MGAT3: variants seen among roughly 807,000 people sequenced by gnomAD.
MGAT3 encodes the protein beta-1,4-mannosyl-glycoprotein 4-beta-N-acetylglucosaminyltransferase.
MGAT3 carries 9 observed loss-of-function variants against 29.8 expected under a neutral mutation model. The observed-to-expected ratio is 0.30, with a 90% CI of 0.18 to 0.53. The LOEUF is 0.53. Among genes scored for constraint, MGAT3 ranks in the 20% least tolerant of loss-of-function variants. MGAT3 has a pLI of 0.96. For synonymous variants in MGAT3, 397 were observed against 348.9 expected (o/e 1.14, Z -1.54); for missense variants, 557 against 769.5 (o/e 0.72, Z 3.27).
intron 1 of MGAT3, among the ~76,000 whole-genome samples, chr22:39,478,117 G>A (rs1929020821): frequency 6.6e-6 from 1 of 152,246 alleles, no homozygotes; most frequent in Admixed American, 6.5e-5. Context: ...GACCAGGCCG[G>A]GTGGAAGGTG....
rs1394262623 is a variant in MGAT3 at position 39,491,936 on chromosome 22, CA to C, written c.*2988del. 6.0e-6 allele frequency: 1 copy of C among 166,946 alleles called. No individual in the cohort carries two copies. The highest frequency in any genetic ancestry group is 1.5e-5 in the Non-Finnish European group (1 of 68,094). The allele number at this position is 166,946 out of a possible 1,614,324, so 10.3% of individuals were successfully genotyped here. ...TCCACCCATGGGTCACGTCGGTTCC[CA>C]GGGGCAGCATGGGAGATCTTTGGGG... On this transcript the variant is annotated 3_prime_UTR_variant, in exon 2 of 2. Transcript: ENST00000341184. The surrounding 1 kb of genome is among the most constrained non-coding windows in gnomAD (Gnocchi z 5.5).
At chr22:39,483,234 C>T (rs1392026258) in intron 1 of MGAT3, among the ~76,000 whole-genome samples, 11 of 152,182 alleles carry the variant, frequency 7.2e-5, no homozygotes, top group Admixed American at 6.5e-4. Context: ...GTGGCCCACA[C>T]CTGTAATCCC....
In MGAT3 at chr22:39,488,107, C is replaced by T. The variant is rs771711700; in HGVS notation, c.760C>T (p.Arg254Trp). The change falls in exon 2 of 2, where the codon CGG (arginine) becomes TGG (tryptophan). Residue 254 changes from arginine (R) to tryptophan (W), a missense_variant. Transcript: ENST00000341184. ...AYGEPRPLKFREMLTNGTFEY... is the reference protein window; with the variant it reads ...AYGEPRPLKFWEMLTNGTFEY... ...TGGGGAGCCGCGGCCGCTCAAGTTCCGGGAGATGCTGACCAATGGCACCTT... is the reference window on the plus strand; with the variant it reads ...TGGGGAGCCGCGGCCGCTCAAGTTCTGGGAGATGCTGACCAATGGCACCTT... 4.3e-6 allele frequency: 7 copies of T among 1,612,732 alleles called. No individual in the cohort carries two copies. Among genetic ancestry groups the T allele is most frequent in the Non-Finnish European group, 5.1e-6 (6 of 1,179,612 alleles).
At chr22:39,481,978 G>C (rs995859892) in intron 1 of MGAT3, among the ~76,000 whole-genome samples, 1 of 152,052 alleles carries the variant, frequency 6.6e-6, no homozygotes, top group Non-Finnish European at 1.5e-5. Flanking sequence ...TGAGATAAGA[G>C]TCTCACTCCC....
Position 39,470,720 on chromosome 22 carries a change from C to T in MGAT3, c.-2+13163C>T, listed in dbSNP as rs947244292. The stretch of plus-strand genomic sequence containing the variant: ...GCCGGGCATGTGGTGAGGCCGCACC[C>T]AGCTCAGAGGACTGGCCTGTGTCAA... On this transcript the variant is annotated intron_variant, in intron 1 of 1. Transcript: ENST00000341184. 2.0e-5 allele frequency among the ~76,000 whole-genome samples: 3 copies of T among 152,150 alleles called. No homozygotes were observed. The East Asian group carries it at 5.8e-4, about 30-fold the overall frequency.
intron 1 of MGAT3, among the ~76,000 whole-genome samples, chr22:39,471,483 G>T (rs962714690): frequency 6.6e-6 from 1 of 152,014 alleles, no homozygotes; most frequent in African/African-American, 2.4e-5. Context: ...ATAATTACAG[G>T]CTTGAGCAGC....
chr22:39,464,888 C>T (rs1266618750), intron 1 of MGAT3, among the ~76,000 whole-genome samples: 1 of 151,738 alleles, frequency 6.6e-6, no homozygotes, highest in Non-Finnish European at 1.5e-5. Flanking sequence ...GTAGCTGGGA[C>T]TACAGGCGCC....
In MGAT3 at chr22:39,479,073, C is replaced by T. The variant is rs991618378; in HGVS notation, c.-1-8274C>T. Reference sequence around the variant, plus strand: ...CAACAGACCCAGGACCGGCCAGAGGCGGTGGCCCACGCTTGCAATCCCAAC... The same window carrying T: ...CAACAGACCCAGGACCGGCCAGAGGTGGTGGCCCACGCTTGCAATCCCAAC... On this transcript the variant is annotated intron_variant, in intron 1 of 1. Coordinates refer to ENST00000341184, the MANE Select transcript of MGAT3 (RefSeq NM_002409.5). Among the ~76,000 whole-genome samples, 5 of 152,224 alleles carry T rather than the reference C, an allele frequency of 3.3e-5. No individual in the cohort carries two copies. The South Asian group carries it at 8.3e-4, about 25-fold the overall frequency.
chr22:39,461,634 G>T (rs1928499849), intron 1 of MGAT3, among the ~76,000 whole-genome samples: 1 of 151,972 alleles, frequency 6.6e-6, no homozygotes. Flanking sequence ...TCCATTCACT[G>T]TCCCCTGTAA....
At chr22:39,464,990 C>G (rs540414269) in intron 1 of MGAT3, among the ~76,000 whole-genome samples, 6 of 151,702 alleles carry the variant, frequency 4.0e-5, no homozygotes, top group Non-Finnish European at 8.8e-5. Context: ...CTCCTGACCT[C>G]GTGATCTGCC....
Position 39,471,964 on chromosome 22 carries a change from G to C in MGAT3, c.-2+14407G>C, listed in dbSNP as rs144468356. On this transcript the variant is annotated intron_variant, in intron 1 of 1. Transcript: ENST00000341184. ...GAAGGCAAGGGCTAGGAAGAGGGAGGAGTCCCTAGAGGGCGAGGTATTGGA... is the reference window on the plus strand; with the variant it reads ...GAAGGCAAGGGCTAGGAAGAGGGAGCAGTCCCTAGAGGGCGAGGTATTGGA... Among the ~76,000 whole-genome samples, 831 of 152,270 alleles carry C rather than the reference G, an allele frequency of 5.5e-3. 11 individuals carry two copies. Among genetic ancestry groups the C allele is most frequent in the African/African-American group, 0.019 (770 of 41,550 alleles).
Position 39,479,195 on chromosome 22 carries a change from GCCGAGTGGTGGCACACA to G in MGAT3, c.-1-8149_-1-8133del, listed in dbSNP as rs536421506. 5.6e-4 allele frequency among the ~76,000 whole-genome samples: 85 copies of G among 152,300 alleles called. No homozygotes were observed. In the South Asian group the frequency reaches 0.018, roughly 32 times the overall value. Reference sequence around the variant, plus strand: ...CTACAAAAAAATGTTTAAAAAATCAGCCGAGTGGTGGCACACACCTGTAGTCCCAGCTACTTAGGAGG... The same window carrying G: ...CTACAAAAAAATGTTTAAAAAATCAGCCTGTAGTCCCAGCTACTTAGGAGG... On this transcript the variant is annotated intron_variant, in intron 1 of 1. Transcript: ENST00000341184.
Position 39,457,622 on chromosome 22 carries a change from C to A in MGAT3, c.-2+65C>A. The A allele has an allele frequency of 6.7e-6, 1 of 149,936 alleles. No homozygotes were observed. Among genetic ancestry groups the A allele is most frequent in the South Asian group, 2.0e-4 (1 of 4,930 alleles). 9.3% of individuals were successfully genotyped at this position (149,936 alleles called of 1,614,324 possible). ...TCTATCCCCGCGCTGCCCGCCCTCC[C>A]GCGCTGCGCTTGGCGCCCCCCGCCC... is the stretch of plus-strand genomic sequence containing the variant. On this transcript the variant is annotated intron_variant, in intron 1 of 1. Transcript: ENST00000341184. The surrounding 1 kb of genome is among the most constrained non-coding windows in gnomAD (Gnocchi z 6.8).
intron 1 of MGAT3, among the ~76,000 whole-genome samples, chr22:39,461,101 C>T (rs762169763): frequency 8.6e-5 from 13 of 152,034 alleles, no homozygotes; most frequent in Non-Finnish European, 1.9e-4. Context: ...ATGAGTTGGC[C>T]GATCGCTGTG....
intron 1 of MGAT3, among the ~76,000 whole-genome samples, chr22:39,466,771 C>T (rs1017461152): frequency 6.6e-6 from 1 of 152,244 alleles, no homozygotes; most frequent in Non-Finnish European, 1.5e-5. Context: ...TGACCCCGGC[C>T]TCTAAGTGCT....
At chr22:39,465,304 A>G (rs2145710944) in intron 1 of MGAT3, among the ~76,000 whole-genome samples, 1 of 152,252 alleles carries the variant, frequency 6.6e-6, no homozygotes, top group African/African-American at 2.4e-5. Context: ...AGGGCCCCAG[A>G]CGTTAAGGTT....
rs1414723516 is a variant in MGAT3, at chr22:39,457,853, G to A, written c.-2+296G>A. Among the ~76,000 whole-genome samples, 1 of 151,378 alleles carries A rather than the reference G, an allele frequency of 6.6e-6. No individual in the cohort carries two copies. The highest frequency in any genetic ancestry group is 1.5e-5 in the Non-Finnish European group (1 of 67,710). ...GACCCCCTCCCACGGCCGGGCGGGGGACGTCCCCGAGGCGCGGGGCTCGAG... is the reference window on the plus strand; with the variant it reads ...GACCCCCTCCCACGGCCGGGCGGGGAACGTCCCCGAGGCGCGGGGCTCGAG... On this transcript the variant is annotated intron_variant, in intron 1 of 1. Coordinates refer to ENST00000341184, the MANE Select transcript of MGAT3 (RefSeq NM_002409.5). The surrounding 1 kb of genome is among the most constrained non-coding windows in gnomAD (Gnocchi z 6.8).
At chr22:39,459,062 CTTTTCTTTTCTTTTTTTTTTT>C (rs1281802829) in intron 1 of MGAT3, among the ~76,000 whole-genome samples, 6 of 39,286 alleles carry the variant, frequency 1.5e-4, no homozygotes, top group African/African-American at 6.4e-4. Context: ...TTTTTCTTTT[CTTTTCTTTTCTTTTTTTTTTT>C]TTTTTTTTGA....
At chr22:39,460,964 T>A (rs184637379) in intron 1 of MGAT3, among the ~76,000 whole-genome samples, 1 of 152,282 alleles carries the variant, frequency 6.6e-6, no homozygotes, top group African/African-American at 2.4e-5. Flanking sequence ...ATGTGTTGTT[T>A]ACGTGTCCCT....
Sources: allele counts gnomAD v4.1 joint callset (sites outside exome capture counted in the v4.1 genomes callset), GRCh38; gene constraint gnomAD v4.1.1; non-coding constraint Gnocchi (gnomAD v3.1); transcripts MANE v1.5; gene names NCBI Gene and HGNC (gene_info 2026-07-23, HGNC 2026-07-21).